The following CYP2C19 variants were observed in gnomAD, a reference collection of about 807,000 sequenced individuals.
CYP2C19 encodes cytochrome P450 family 2 subfamily C member 19, also known as cytochrome P450 2C19.
CYP2C19 carries 59 observed loss-of-function variants against 40.9 expected under a neutral mutation model. The observed-to-expected ratio is 1.44, with a 90% CI of 1.17 to 1.79. CYP2C19 has a LOEUF of 1.79. Among genes scored for constraint, CYP2C19 ranks in the 40% most tolerant of loss-of-function variants. The probability of loss-of-function intolerance (pLI) is 0.00; values close to 1 mark genes in which losing one functional copy is unlikely to be tolerated. For missense variants in CYP2C19, 754 were observed against 596.9 expected (o/e 1.26, Z -2.74); for synonymous variants, 253 against 208.7 (o/e 1.21, Z -1.83).
In CYP2C19 at chr10:94,823,134, A is replaced by G. The variant is rs185829175; in HGVS notation, c.961+2497A>G. Among the ~76,000 whole-genome samples, 475 of 152,258 alleles carry G rather than the reference A, an allele frequency of 3.1e-3. 3 individuals carry two copies. The highest frequency in any genetic ancestry group is 0.011 in the African/African-American group (452 of 41,562). ...CAGAAGAGGAAAATTTATCAAGGAG[A>G]AAAATTAATCAGTGTCCCTTAAGTC... On this transcript the variant is annotated intron_variant, in intron 6 of 8. Transcript: ENST00000371321.
At chr10:94,791,827 A>G (rs1385195946) in intron 5 of CYP2C19, among the ~76,000 whole-genome samples, 2 of 152,154 alleles carry the variant, frequency 1.3e-5, no homozygotes, top group African/African-American at 4.8e-5. Flanking sequence ...TGGTGCTGAG[A>G]AGAATGTATA....
In CYP2C19 at chr10:94,775,055, T is replaced by C. The variant is rs375151331; in HGVS notation, c.169-3T>C. On this transcript the variant is annotated splice_region_variant and splice_polypyrimidine_tract_variant and intron_variant, in intron 1 of 8. Coordinates refer to ENST00000371321, the MANE Select transcript of CYP2C19 (RefSeq NM_000769.4). ...TTGCTGTTAACTGTATCTCCTTTTC[T>C]AGCTCTCAAAAATCTATGGCCCTGT... is the stretch of plus-strand genomic sequence containing the variant. 1 of 1,614,000 alleles carries C rather than the reference T, an allele frequency of 6.2e-7. No individual in the cohort carries two copies.
intron 5 of CYP2C19, among the ~76,000 whole-genome samples, chr10:94,817,414 T>G (rs1246422616): frequency 6.9e-6 from 1 of 144,824 alleles, no homozygotes; most frequent in Non-Finnish European, 1.5e-5. Flanking sequence ...TTGCCCACTT[T>G]TTGATGGGGT....
chr10:94,829,160 A>G (rs1159481939), intron 6 of CYP2C19, among the ~76,000 whole-genome samples: 1 of 151,992 alleles, frequency 6.6e-6, no homozygotes, highest in African/African-American at 2.4e-5. Flanking sequence ...GCTCTTCTTG[A>G]GGAGTATCTT....
At chr10:94,828,762 TG>T (rs1490749253) in intron 6 of CYP2C19, among the ~76,000 whole-genome samples, 1 of 152,116 alleles carries the variant, frequency 6.6e-6, no homozygotes, top group Non-Finnish European at 1.5e-5. Context: ...CTAGACTCGA[TG>T]GTCTTTACAT....
chr10:94,811,860 A>T (rs995057809), intron 5 of CYP2C19, among the ~76,000 whole-genome samples: 40 of 151,994 alleles, frequency 2.6e-4, no homozygotes, highest in African/African-American at 9.2e-4. Context: ...TAATTGGGGC[A>T]TTTAGCCTGT....
At chr10:94,789,438 G>C (rs148879826) in intron 5 of CYP2C19, among the ~76,000 whole-genome samples, 3 of 151,976 alleles carry the variant, frequency 2.0e-5, no homozygotes, top group Admixed American at 2.0e-4. Flanking sequence ...GTCCTGAATG[G>C]TATTGCGTAG....
intron 6 of CYP2C19, among the ~76,000 whole-genome samples, chr10:94,823,604 T>C (rs1849163723): frequency 6.6e-6 from 1 of 152,124 alleles, no homozygotes; most frequent in Admixed American, 6.6e-5. Flanking sequence ...GGTCATGGAA[T>C]TTCAGGACAC....
At position 94,775,556 on chromosome 10, in the gene CYP2C19, T is replaced by C. The variant is rs1312042844; in HGVS notation, c.481+17T>C. ...AAACCAAGGGTGGGTGAACATACTCTCTATCACTGACCTTTCTGGACTGCT... is the reference window on the plus strand; with the variant it reads ...AAACCAAGGGTGGGTGAACATACTCCCTATCACTGACCTTTCTGGACTGCT... On this transcript the variant is annotated intron_variant, in intron 3 of 8. Coordinates refer to ENST00000371321, the MANE Select transcript of CYP2C19 (RefSeq NM_000769.4). 6.2e-7 allele frequency: 1 copy of C among 1,613,800 alleles called. No homozygotes were observed. Among genetic ancestry groups the C allele is most frequent in the Non-Finnish European group, 8.5e-7 (1 of 1,179,874 alleles).
At chr10:94,820,155 A>G (rs1015002838) in intron 5 of CYP2C19, among the ~76,000 whole-genome samples, 3 of 151,888 alleles carry the variant, frequency 2.0e-5, no homozygotes, top group Non-Finnish European at 4.4e-5. Context: ...CATTATCTCA[A>G]TAGATGCAGA....
intron 5 of CYP2C19, among the ~76,000 whole-genome samples, chr10:94,807,810 T>C (rs1848856622): frequency 6.6e-6 from 1 of 152,160 alleles, no homozygotes; most frequent in Non-Finnish European, 1.5e-5. Flanking sequence ...GATGAAAATA[T>C]TGCAAATATT....
chr10:94,849,844 G>A (rs933923307), intron 7 of CYP2C19, 73 bp from the exon 8 acceptor site: 10 of 1,555,812 alleles, frequency 6.4e-6, no homozygotes, highest in African/African-American at 2.7e-5. Flanking sequence ...AGATTTAACT[G>A]CATGATTACC....
In CYP2C19 at chr10:94,770,826, A is replaced by C. The variant is rs185194078; in HGVS notation, c.169-4232A>C. On this transcript the variant is annotated intron_variant, in intron 1 of 8. Transcript: ENST00000371321. ...CACTGGTCAACAGATGTTTATGACTACAGTCCCCATGATCTGAGTCGAGGT... is the reference window on the plus strand; with the variant it reads ...CACTGGTCAACAGATGTTTATGACTCCAGTCCCCATGATCTGAGTCGAGGT... Among the ~76,000 whole-genome samples, 12 of 149,824 alleles carry C rather than the reference A, an allele frequency of 8.0e-5. No individual in the cohort carries two copies. In the East Asian group the frequency reaches 2.2e-3, roughly 27 times the overall value.
At position 94,775,188 on chromosome 10, in the gene CYP2C19, TC is replaced by T. The variant is rs1848390210; in HGVS notation, c.302del (p.Pro101HisfsTer29). On this transcript the variant is annotated frameshift_variant, in exon 2 of 9. Transcript: ENST00000371321. LOFTEE classifies it high-confidence loss of function. Reference protein sequence around the residue: ...LGEEFSGRGHFPLAERANRGF... With the variant: ...LGEEFSGRGHXPLAERANRGF... ...GAGGAGTTTTCTGGAAGAGGCCATTTCCCACTGGCTGAAAGAGCTAACAGAG... is the reference window on the plus strand; with the variant it reads ...GAGGAGTTTTCTGGAAGAGGCCATTTCCACTGGCTGAAAGAGCTAACAGAG... 1.9e-6 allele frequency: 3 copies of T among 1,614,042 alleles called. No homozygotes were observed. Among genetic ancestry groups the T allele is most frequent in the Non-Finnish European group, 2.5e-6 (3 of 1,180,012 alleles).
At chr10:94,786,333 C>A (rs771779531) in intron 5 of CYP2C19, among the ~76,000 whole-genome samples, 5 of 151,984 alleles carry the variant, frequency 3.3e-5, no homozygotes, top group Non-Finnish European at 5.9e-5. Flanking sequence ...AGGAGTATTG[C>A]CATCTTAACA....
At chr10:94,775,568 C>A (rs753071954) in intron 3 of CYP2C19, 29 bp downstream of exon 3, 7 of 1,613,868 alleles carry the variant, frequency 4.3e-6, no homozygotes, top group East Asian at 4.5e-5. Flanking sequence ...TATCACTGAC[C>A]TTTCTGGACT....
chr10:94,813,642 A>G (rs1848959632), intron 5 of CYP2C19, among the ~76,000 whole-genome samples: 1 of 150,976 alleles, frequency 6.6e-6, no homozygotes, highest in African/African-American at 2.5e-5. Flanking sequence ...ACCCCCCCCA[A>G]GCTCGAACAT....
chr10:94,794,923 G>A (rs1848660941), intron 5 of CYP2C19, among the ~76,000 whole-genome samples: 1 of 151,874 alleles, frequency 6.6e-6, no homozygotes, highest in Admixed American at 6.6e-5. Flanking sequence ...GATTGCCCTG[G>A]CCAGAGCTTC....
chr10:94,838,114 A>G (rs1849433945), intron 6 of CYP2C19, among the ~76,000 whole-genome samples: 1 of 152,094 alleles, frequency 6.6e-6, no homozygotes, highest in Admixed American at 6.5e-5. Context: ...CCTGTGTTAT[A>G]GTGGACATCA....
Sources: allele counts gnomAD v4.1 joint callset (sites outside exome capture counted in the v4.1 genomes callset), GRCh38; gene constraint gnomAD v4.1.1; transcripts MANE v1.5; gene names NCBI Gene and HGNC (gene_info 2026-07-23, HGNC 2026-07-21).